EPS8: variants seen among roughly 807,000 people sequenced by gnomAD.
The protein encoded by EPS8 is EGFR pathway substrate 8, signaling adaptor, also known as epidermal growth factor receptor kinase substrate 8.
Under a neutral mutation model 103.8 loss-of-function variants are expected in EPS8, and 42 were observed. The ratio of observed to expected loss-of-function variants is 0.40; its 90% confidence interval spans 0.32 to 0.52. The LOEUF (loss-of-function observed/expected upper bound fraction) is 0.52, where lower values mean the gene tolerates loss of function less well. Ranked by LOEUF, EPS8 falls within the 20% of genes least tolerant of loss-of-function variation. EPS8 has a pLI of 0.40. For synonymous variants in EPS8, 344 were observed against 344.6 expected (o/e 1.00, Z 0.02); for missense variants, 969 against 1,005.1 (o/e 0.96, Z 0.49).
chr12:15,699,425 A>G (rs1010037500), intron 1 of EPS8, among the ~76,000 whole-genome samples: 1 of 152,192 alleles, frequency 6.6e-6, no homozygotes, highest in Non-Finnish European at 1.5e-5. Flanking sequence ...TTATATGCAA[A>G]AGCACACACA....
rs898387569 is a variant in EPS8, at chr12:15,751,673, G to C, written c.-22+37488C>G. On this transcript the variant is annotated intron_variant, in intron 1 of 20. Coordinates refer to ENST00000281172, the MANE Select transcript of EPS8 (RefSeq NM_004447.6). This position sits in a 1 kb window ranked among gnomAD's most constrained non-coding sequence, Gnocchi z 4.3. ...TTACAAAGGTCACAACCTAGTGAAT[G>C]AAAGAATATACCCGTCCCTTGTACT... 1.3e-5 allele frequency among the ~76,000 whole-genome samples: 2 copies of C among 152,206 alleles called. No individual in the cohort carries two copies. The highest frequency in any genetic ancestry group is 4.1e-4 in the South Asian group (2 of 4,822).
At position 15,751,506 on chromosome 12, in the gene EPS8, C is replaced by T. The variant is rs966302012; in HGVS notation, c.-22+37655G>A. On this transcript the variant is annotated intron_variant, in intron 1 of 20. Transcript: ENST00000281172. This position sits in a 1 kb window ranked among gnomAD's most constrained non-coding sequence, Gnocchi z 4.3. ...ATCCCAGTCCTAAAAAGCTCACATT[C>T]AAGTGTCCTCCAGACAAACCGGTCA... Among the ~76,000 whole-genome samples, 1 of 152,134 alleles carries T rather than the reference C, an allele frequency of 6.6e-6. No homozygotes were observed. The highest frequency in any genetic ancestry group is 1.9e-4 in the East Asian group (1 of 5,196).
chr12:15,731,984 A>T lies in EPS8; in HGVS notation c.-21-49012T>A, dbSNP rs7968292. Among the ~76,000 whole-genome samples, 6,683 of 152,120 alleles carry T rather than the reference A, an allele frequency of 0.044. 499 individuals are homozygous for T. Among genetic ancestry groups the T allele is most frequent in the African/African-American group, 0.15 (6,320 of 41,472 alleles). On this transcript the variant is annotated intron_variant, in intron 1 of 20. Transcript: ENST00000281172. The surrounding 1 kb of genome is among the most constrained non-coding windows in gnomAD (Gnocchi z 5.1). ...AAAAGGAAACAAACTGAAAAGGTAG[A>T]TTTTTTTCTTTCAAACTGGCTACTA...
At chr12:15,686,456 A>G (rs1419601807) in intron 1 of EPS8, among the ~76,000 whole-genome samples, 1 of 152,172 alleles carries the variant, frequency 6.6e-6, no homozygotes, top group African/African-American at 2.4e-5. Flanking sequence ...CAATTTCCTT[A>G]TGAAAACACT....
At chr12:15,681,590 C>T (rs1369594672) in intron 2 of EPS8, among the ~76,000 whole-genome samples, 5 of 151,460 alleles carry the variant, frequency 3.3e-5, no homozygotes, top group Non-Finnish European at 5.9e-5. Flanking sequence ...ATTAGCCGGG[C>T]GTTGTGGCGC....
intron 1 of EPS8, among the ~76,000 whole-genome samples, chr12:15,763,187 T>A (rs1292704924): frequency 3.9e-5 from 6 of 152,196 alleles, no homozygotes; most frequent in Non-Finnish European, 5.9e-5. Context: ...GTTGTTGTTT[T>A]TTTTCCTAAG....
chr12:15,650,933 G>C lies in EPS8; in HGVS notation c.1324C>G (p.Leu442Val), dbSNP rs1417611290. ...RFRNGWEPPM[L>V]NFMGATMEQD... Reference sequence around the variant, plus strand: ...TCCATTGTGGCTCCCATAAAGTTCAGCATTGGGGGCTCCCAGCCATTGCGG... The same window carrying C: ...TCCATTGTGGCTCCCATAAAGTTCACCATTGGGGGCTCCCAGCCATTGCGG... The change falls in exon 14 of 21, where the codon CTG becomes GTG. Residue 442 changes from leucine (L) to valine (V), a missense_variant. Physicochemically the swap from Leu to Val is conservative, Grantham distance 32. Coordinates refer to ENST00000281172, the MANE Select transcript of EPS8 (RefSeq NM_004447.6). The C allele has an allele frequency of 1.2e-6, 2 of 1,614,062 alleles. No homozygotes were observed.
Position 15,725,031 on chromosome 12 carries a change from T to C in EPS8, c.-21-42059A>G, listed in dbSNP as rs1946637677. Among the ~76,000 whole-genome samples the C allele has an allele frequency of 6.6e-6, 1 of 151,968 alleles. No individual in the cohort carries two copies. Among genetic ancestry groups the C allele is most frequent in the African/African-American group, 2.4e-5 (1 of 41,356 alleles). On this transcript the variant is annotated intron_variant, in intron 1 of 20. Coordinates refer to ENST00000281172, the MANE Select transcript of EPS8 (RefSeq NM_004447.6). The surrounding 1 kb of genome is among the most constrained non-coding windows in gnomAD (Gnocchi z 4.5). Reference sequence around the variant, plus strand: ...TTGAATTATGTCACAATGAAAAAAATTCAACATCCACAGATCACTCACTCC... The same window carrying C: ...TTGAATTATGTCACAATGAAAAAAACTCAACATCCACAGATCACTCACTCC...
rs1555124874 is a variant in EPS8 at position 15,738,108 on chromosome 12, A to G, written c.-22+51053T>C. Among the ~76,000 whole-genome samples the G allele has an allele frequency of 6.6e-6, 1 of 152,146 alleles. No homozygotes were observed. The highest frequency in any genetic ancestry group is 1.5e-5 in the Non-Finnish European group (1 of 68,000). On this transcript the variant is annotated intron_variant, in intron 1 of 20. Transcript: ENST00000281172. The surrounding 1 kb of genome is among the most constrained non-coding windows in gnomAD (Gnocchi z 6.2). ...CGAAATAGATATATTTCCTAGTGTT[A>G]TTTTTGGTAGATAGTGTTTAATACA... is the stretch of plus-strand genomic sequence containing the variant.
rs529464032 is a variant in EPS8 at position 15,721,951 on chromosome 12, GT to G, written c.-21-38980del. On this transcript the variant is annotated intron_variant, in intron 1 of 20. Coordinates refer to ENST00000281172, the MANE Select transcript of EPS8 (RefSeq NM_004447.6). This position sits in a 1 kb window ranked among gnomAD's most constrained non-coding sequence, Gnocchi z 4.4. ...CTTTCACATTTTATAAATTTTTCTA[GT>G]TTTTTTTTAATGCATACATACTTTT... is the stretch of plus-strand genomic sequence containing the variant. 2.0e-5 allele frequency among the ~76,000 whole-genome samples: 3 copies of G among 149,188 alleles called. No individual in the cohort carries two copies. Among genetic ancestry groups the G allele is most frequent in the South Asian group, 4.2e-4 (2 of 4,734 alleles).
chr12:15,719,851 T>C (rs954066058), intron 1 of EPS8, among the ~76,000 whole-genome samples: 14 of 152,200 alleles, frequency 9.2e-5, no homozygotes, highest in African/African-American at 3.4e-4. Context: ...TGGTATCTAA[T>C]CCCCTTCTAT....
chr12:15,715,421 T>G (rs1390585546), intron 1 of EPS8, among the ~76,000 whole-genome samples: 3 of 125,390 alleles, frequency 2.4e-5, no homozygotes, highest in African/African-American at 8.1e-5. Context: ...GAGATGGAGT[T>G]TCACTCTGCC....
At position 15,752,976 on chromosome 12, in the gene EPS8, C is replaced by T. The variant is rs1946949159; in HGVS notation, c.-22+36185G>A. On this transcript the variant is annotated intron_variant, in intron 1 of 20. Coordinates refer to ENST00000281172, the MANE Select transcript of EPS8 (RefSeq NM_004447.6). This position sits in a 1 kb window ranked among gnomAD's most constrained non-coding sequence, Gnocchi z 4.4. The stretch of plus-strand genomic sequence containing the variant: ...GGTAAAAGGGGCAATTGTGGGATAA[C>T]CATCATTTATTTATAGCTCTGTGGC... 6.6e-6 allele frequency among the ~76,000 whole-genome samples: 1 copy of T among 151,664 alleles called. No individual in the cohort carries two copies. The highest frequency in any genetic ancestry group is 1.5e-5 in the Non-Finnish European group (1 of 67,968).
At chr12:15,737,737 T>C (rs916948295) in intron 1 of EPS8, among the ~76,000 whole-genome samples, 2 of 152,234 alleles carry the variant, frequency 1.3e-5, no homozygotes, top group African/African-American at 2.4e-5. Flanking sequence ...TTAATGATGC[T>C]ACTGTGTTGT....
chr12:15,647,227 C>T lies in EPS8; in HGVS notation c.1468G>A (p.Gly490Ser), dbSNP rs781155712. ...TAAATGTTGCTACTGAACGCATAGC[C>T]ATCGGCTGGATGATACTCTGATACA... is the stretch of plus-strand genomic sequence containing the variant. ...SSVSEYHPAD[G>S]YAFSSNIYTR... Residue 490 changes from glycine to serine, a missense_variant, in exon 15 of 21, where the codon GGC becomes AGC. By Grantham distance (56) the Gly-to-Ser change is moderately conservative. Coordinates refer to ENST00000281172, the MANE Select transcript of EPS8 (RefSeq NM_004447.6). The T allele has an allele frequency of 4.3e-6, 7 of 1,613,560 alleles. No individual in the cohort carries two copies. Among genetic ancestry groups the T allele is most frequent in the Admixed American group, 3.3e-5 (2 of 59,952 alleles).
chr12:15,664,854 T>C (rs1034435563), intron 8 of EPS8, among the ~76,000 whole-genome samples: 2 of 152,170 alleles, frequency 1.3e-5, no homozygotes, highest in Non-Finnish European at 2.9e-5. Context: ...ACCAAACATA[T>C]TTTAAGGCAT....
At chr12:15,624,950 G>C (rs1944921349) in intron 18 of EPS8, among the ~76,000 whole-genome samples, 1 of 152,128 alleles carries the variant, frequency 6.6e-6, no homozygotes, top group African/African-American at 2.4e-5. Flanking sequence ...TATAATGTCA[G>C]CCTCTCCTAC....
chr12:15,710,750 T>C (rs552950371), intron 1 of EPS8, among the ~76,000 whole-genome samples: 23 of 152,302 alleles, frequency 1.5e-4, no homozygotes, highest in Non-Finnish European at 3.1e-4. Context: ...AATTTTAAAA[T>C]ACTGGATTGT....
rs1946747607 is a variant in EPS8 at position 15,734,449 on chromosome 12, C to T, written c.-21-51477G>A. 6.6e-6 allele frequency among the ~76,000 whole-genome samples: 1 copy of T among 152,110 alleles called. No homozygotes were observed. The highest frequency in any genetic ancestry group is 1.5e-5 in the Non-Finnish European group (1 of 68,024). On this transcript the variant is annotated intron_variant, in intron 1 of 20. Coordinates refer to ENST00000281172, the MANE Select transcript of EPS8 (RefSeq NM_004447.6). This position sits in a 1 kb window ranked among gnomAD's most constrained non-coding sequence, Gnocchi z 4.1. ...GTGGCTCACACCTGTAATCCCAGCA[C>T]TTTGGGAGGCTGAGGCGGGTGGATC...
Sources: gnomAD v4.1 joint callset for allele counts (sites outside exome capture counted in the v4.1 genomes callset) on GRCh38, gnomAD v4.1.1 for gene constraint, Gnocchi (gnomAD v3.1) non-coding constraint, MANE v1.5 for transcripts, NCBI Gene and HGNC (gene_info 2026-07-23, HGNC 2026-07-21) for gene names.